The following XRCC5 variants were observed in gnomAD, a reference collection of about 807,000 sequenced individuals.
XRCC5 encodes DNA repair protein Ku80.
A neutral mutation model predicts 95.7 loss-of-function variants in XRCC5; 12 were observed. The observed-to-expected ratio is 0.13, with a 90% CI of 0.08 to 0.20. The LOEUF is 0.20. Among genes scored for constraint, XRCC5 ranks in the 10% least tolerant of loss-of-function variants. The pLI, the probability that XRCC5 is intolerant of heterozygous loss-of-function variation, is 1.00. For missense variants in XRCC5, 595 were observed against 873.9 expected (o/e 0.68, Z 4.02); for synonymous variants, 281 against 290.3 (o/e 0.97, Z 0.33).
chr2:216,194,137 C>G (rs901370193), intron 18 of XRCC5, among the ~76,000 whole-genome samples: 1 of 152,204 alleles, frequency 6.6e-6, no homozygotes, highest in Non-Finnish European at 1.5e-5. Context: ...TATTGAGCTT[C>G]TGCTATGTTC....
chr2:216,116,355 TTC>T (rs780788639), intron 2 of XRCC5, among the ~76,000 whole-genome samples: 1 of 152,200 alleles, frequency 6.6e-6, no homozygotes, highest in Non-Finnish European at 1.5e-5. Context: ...CCATTTTTGG[TTC>T]TCTCATTGAG....
chr2:216,169,268 C>A (rs931075144), intron 16 of XRCC5, among the ~76,000 whole-genome samples: 3 of 152,212 alleles, frequency 2.0e-5, no homozygotes, highest in African/African-American at 7.2e-5. Flanking sequence ...ACGTAATACC[C>A]ATGTTCACCT....
At chr2:216,199,146 G>A (rs1449596393) in intron 19 of XRCC5, among the ~76,000 whole-genome samples, 1 of 152,150 alleles carries the variant, frequency 6.6e-6, no homozygotes, top group Non-Finnish European at 1.5e-5. Flanking sequence ...AATCACTGAG[G>A]TTAAAGAACA....
rs41296825 is a variant in XRCC5, at chr2:216,203,994, A to G, written c.2110-328A>G. 280 of 253,450 alleles carry G rather than the reference A, an allele frequency of 1.1e-3. 1 individual carries two copies. The highest frequency in any genetic ancestry group is 5.9e-3 in the African/African-American group (275 of 46,632). 15.7% of individuals were successfully genotyped at this position (253,450 alleles called of 1,614,324 possible). ...ACCTTAGCAAGCCAGCTTATTTCCT[A>G]TGGAAGCAGAACTGGAAACAGCAGA... is the stretch of plus-strand genomic sequence containing the variant. On this transcript the variant is annotated intron_variant, in intron 19 of 20. Transcript: ENST00000392132.
chr2:216,195,992 A>G (rs1453167754), intron 19 of XRCC5, among the ~76,000 whole-genome samples: 1 of 152,138 alleles, frequency 6.6e-6, no homozygotes, highest in Non-Finnish European at 1.5e-5. Flanking sequence ...GAAAATAACT[A>G]TACACACTAA....
rs958902337 is a variant in XRCC5, at chr2:216,196,595, A to G, written c.2109+1609A>G. ...TGAATTTCAGAAATTGGCTTGTGTG[A>G]TTGTAGGGCTTGGCAAGTCTGAAAT... On this transcript the variant is annotated intron_variant, in intron 19 of 20. Coordinates refer to ENST00000392132, the MANE Select transcript of XRCC5 (RefSeq NM_021141.4). 3.9e-5 allele frequency among the ~76,000 whole-genome samples: 6 copies of G among 152,170 alleles called. No individual in the cohort carries two copies. The East Asian group carries it at 9.6e-4, about 24-fold the overall frequency.
rs772416713 is a variant in XRCC5, at chr2:216,130,978, A to G, written c.1041A>G (p.Lys347=). The G allele has an allele frequency of 8.7e-6, 14 of 1,611,180 alleles. No individual in the cohort carries two copies. In the East Asian group the frequency reaches 1.8e-4, roughly 21 times the overall value. The stretch of plus-strand genomic sequence containing the variant: ...GCTTCTCTGTTTTGGGATTTTGTAA[A>G]TCTTCTCAGGTATGATTGTGAACAA... ...GKCFSVLGFC[K]SSQVQRRFFM... The change falls in exon 9 of 21, where the codon AAA becomes AAG. Residue 347 remains lysine, a synonymous_variant. Coordinates refer to ENST00000392132, the MANE Select transcript of XRCC5 (RefSeq NM_021141.4).
chr2:216,197,616 CAG>C (rs535171080), intron 19 of XRCC5, among the ~76,000 whole-genome samples: 2 of 152,136 alleles, frequency 1.3e-5, no homozygotes, highest in Non-Finnish European at 2.9e-5. Context: ...AGTCAAGGCA[CAG>C]AGAGTGTGCT....
chr2:216,161,052 G>A (rs207915), intron 15 of XRCC5, among the ~76,000 whole-genome samples: 38,197 of 152,024 alleles, frequency 0.25, 6,040 homozygotes, highest in Non-Finnish European at 0.36. Flanking sequence ...AAAATTGGCC[G>A]ATAACTTTTT....
intron 14 of XRCC5, among the ~76,000 whole-genome samples, chr2:216,157,221 T>C (rs1158957040): frequency 9.8e-6 from 1 of 101,890 alleles, no homozygotes; most frequent in Non-Finnish European, 2.3e-5. Flanking sequence ...TATTTTCTTT[T>C]TTTTTTGTTT....
Position 216,145,847 on chromosome 2 carries a change from G to C in XRCC5, c.1477-2236G>C, listed in dbSNP as rs1259876841. Among the ~76,000 whole-genome samples, 3 of 152,186 alleles carry C rather than the reference G, an allele frequency of 2.0e-5. No homozygotes were observed. The South Asian group carries it at 6.2e-4, about 31-fold the overall frequency. Reference sequence around the variant, plus strand: ...TTGTTCTAGCCCTTTTCCAAGAAATGTCAATTGGATATCACAGATAGAATC... The same window carrying C: ...TTGTTCTAGCCCTTTTCCAAGAAATCTCAATTGGATATCACAGATAGAATC... On this transcript the variant is annotated intron_variant, in intron 13 of 20. Transcript: ENST00000392132.
intron 16 of XRCC5, among the ~76,000 whole-genome samples, chr2:216,164,235 G>A (rs1032830160): frequency 2.6e-5 from 4 of 152,162 alleles, no homozygotes; most frequent in South Asian, 4.1e-4. Flanking sequence ...ATTGTATGTC[G>A]TCAATTACCT....
chr2:216,205,156 T>A, intron 20 of XRCC5, 32 bp from the exon 21 acceptor site: 1 of 1,613,852 alleles, frequency 6.2e-7, no homozygotes, highest in East Asian at 2.2e-5. Context: ...ATTGGCCTGA[T>A]TCCTTTCTAA....
chr2:216,192,308 T>C (rs1249188337), intron 17 of XRCC5, among the ~76,000 whole-genome samples: 3 of 152,308 alleles, frequency 2.0e-5, no homozygotes, highest in East Asian at 1.9e-4. Flanking sequence ...TTGATAATTA[T>C]TGAAGCTGGG....
Position 216,205,199 on chromosome 2 carries a change from A to G in XRCC5, c.2196A>G (p.Ile732Met). 2 of 1,613,968 alleles carry G rather than the reference A, an allele frequency of 1.2e-6. No individual in the cohort carries two copies. The highest frequency in any genetic ancestry group is 1.7e-6 in the Non-Finnish European group (2 of 1,179,866). ...GGDVDDLLDM[I>M] ...GTTCTTGTTCACAGTTGGACATGAT[A>G]TAGGTCGTGGATGTATGGGGAATCT... The change falls in exon 21 of 21, where the codon ATA becomes ATG. Residue 732 changes from isoleucine to methionine, a missense_variant. Transcript: ENST00000392132.
intron 16 of XRCC5, among the ~76,000 whole-genome samples, chr2:216,166,659 A>G (rs902657854): frequency 6.6e-6 from 1 of 152,202 alleles, no homozygotes; most frequent in Admixed American, 6.5e-5. Flanking sequence ...CATGATTTTC[A>G]GCTCCTTGCG....
chr2:216,187,825 T>A (rs1037076294), intron 16 of XRCC5, among the ~76,000 whole-genome samples: 3,048 of 48,940 alleles, frequency 0.062, 24 homozygotes, highest in African/African-American at 0.12. Context: ...ACACACACTC[T>A]CTCTCTCTCT....
In XRCC5 at chr2:216,158,189, AT is replaced by A. The variant is rs1688882848; in HGVS notation, c.1671-1878del. Among the ~76,000 whole-genome samples, 3 of 152,302 alleles carry A rather than the reference AT, an allele frequency of 2.0e-5. No homozygotes were observed. The South Asian group carries it at 6.2e-4, about 32-fold the overall frequency. On this transcript the variant is annotated intron_variant, in intron 14 of 20. Transcript: ENST00000392132. ...AGCTTTTTATGTGTAATCCTTCTTA[AT>A]ACTACTATATAAGCTAATCTGTATT...
intron 10 of XRCC5, among the ~76,000 whole-genome samples, chr2:216,134,393 C>G (rs1263917775): frequency 6.6e-6 from 1 of 150,998 alleles, no homozygotes; most frequent in African/African-American, 2.4e-5. Flanking sequence ...ATGTAGCAGT[C>G]ATTCACAGCC....
Sources: gnomAD v4.1 joint callset for allele counts (sites outside exome capture counted in the v4.1 genomes callset) on GRCh38, gnomAD v4.1.1 for gene constraint, MANE v1.5 for transcripts, NCBI Gene and HGNC (gene_info 2026-07-23, HGNC 2026-07-21) for gene names.